YWHAZ: variants seen among roughly 807,000 people sequenced by gnomAD.
YWHAZ encodes 14-3-3 protein zeta/delta.
For missense variants in YWHAZ, 79 were observed against 284.8 expected (o/e 0.28, Z 5.20); for synonymous variants, 87 against 103.6 (o/e 0.84, Z 0.97).
At chr8:100,944,939 T>G (rs1432715862) in intron 2 of YWHAZ, among the ~76,000 whole-genome samples, 2 of 152,216 alleles carry the variant, frequency 1.3e-5, no homozygotes, top group African/African-American at 4.8e-5. Flanking sequence ...CATACTTCTT[T>G]GAGTTTGAAA....
intron 2 of YWHAZ, chr8:100,932,192 T>C (rs1313855172): frequency 1.3e-5 from 2 of 152,168 alleles, no homozygotes; most frequent in Non-Finnish European, 2.9e-5. Flanking sequence ...GTCTGGCAAA[T>C]AGTAAGCAAC....
At chr8:100,947,460 G>A (rs1810384503) in intron 2 of YWHAZ, among the ~76,000 whole-genome samples, 1 of 152,050 alleles carries the variant, frequency 6.6e-6, no homozygotes. Flanking sequence ...GTTTGTGGCT[G>A]TGAACCCAAA....
Position 100,948,117 on chromosome 8 carries a change from C to T in YWHAZ, c.294+479G>A, listed in dbSNP as rs768909913. ...GCAGGAAGAGGTTTCATAGTTGTGACGCCAGAGTTTTCTGCATGGTTGACT... is the reference window on the plus strand; with the variant it reads ...GCAGGAAGAGGTTTCATAGTTGTGATGCCAGAGTTTTCTGCATGGTTGACT... On this transcript the variant is annotated intron_variant, in intron 2 of 5. Transcript: ENST00000395958. The surrounding 1 kb of genome is among the most constrained non-coding windows in gnomAD (Gnocchi z 4.2). The T allele has an allele frequency of 2.0e-6, 3 of 1,534,708 alleles. No individual in the cohort carries two copies. The highest frequency in any genetic ancestry group is 1.4e-5 in the African/African-American group (1 of 72,968).
At position 100,937,456 on chromosome 8, in the gene YWHAZ, C is replaced by T. The variant is rs114810654; in HGVS notation, c.294+11140G>A. Among the ~76,000 whole-genome samples the T allele has an allele frequency of 9.7e-3, 1,470 of 152,170 alleles. 34 individuals are homozygous for T. Among genetic ancestry groups the T allele is most frequent in the African/African-American group, 0.034 (1,397 of 41,530 alleles). On this transcript the variant is annotated intron_variant, in intron 2 of 5. Coordinates refer to ENST00000395958, the MANE Select transcript of YWHAZ (RefSeq NM_145690.3). ...ACTGGTCCTAATATTAAATTTAATT[C>T]GCACAAAGATAATTAGACATCGAGT...
At chr8:100,952,063 C>CG (rs1352609958), upstream of YWHAZ, 9 of 988,160 alleles carry the variant, frequency 9.1e-6, no homozygotes, top group Non-Finnish European at 1.1e-5. Context: ...TCCGCAGACA[C>CG]GGGGTTTCCT....
At chr8:100,945,930 C>G (rs902202364) in intron 2 of YWHAZ, among the ~76,000 whole-genome samples, 2 of 152,066 alleles carry the variant, frequency 1.3e-5, no homozygotes, top group African/African-American at 4.8e-5. Flanking sequence ...GCAAAGATCA[C>G]TAAGTCTTAC....
At chr8:100,928,586 A>T (rs1379017775) in intron 2 of YWHAZ, among the ~76,000 whole-genome samples, 2 of 151,962 alleles carry the variant, frequency 1.3e-5, no homozygotes, top group African/African-American at 4.8e-5. Context: ...ACAAAAAATT[A>T]GCCAGGCGTG....
upstream of YWHAZ, chr8:100,952,173 G>GT (rs1266212434): frequency 1.0e-6 from 1 of 984,562 alleles, no homozygotes; most frequent in African/African-American, 1.7e-5. Context: ...GGGGCCCCGC[G>GT]TAACCGCCGC....
At chr8:100,951,590 C>T (rs1810787992) in intron 1 of YWHAZ, 1 of 985,116 alleles carries the variant, frequency 1.0e-6, no homozygotes, top group Non-Finnish European at 1.2e-6. Flanking sequence ...GCGCCCCGGC[C>T]ATGCCTCGTC....
rs1204001238 is a variant in YWHAZ, at chr8:100,920,493, C to CTCA, written c.*199_*200insTGA. 1.7e-6 allele frequency: 1 copy of CTCA among 583,334 alleles called. No individual in the cohort carries two copies. The highest frequency in any genetic ancestry group is 3.0e-5 in the East Asian group (1 of 33,556). The allele number at this position is 583,334 out of a possible 1,614,324, so 36.1% of individuals were successfully genotyped here. On this transcript the variant is annotated 3_prime_UTR_variant, in exon 6 of 6. Transcript: ENST00000395958. ...CATATTGGCCACCTCAAGATGAAAA[C>CTCA]AGATAACTCCCTAAATGTTAACTGG...
chr8:100,923,750 A>AT (rs1813183661), intron 5 of YWHAZ: 4 of 439,292 alleles, frequency 9.1e-6, no homozygotes. Context: ...CAATGTGTGT[A>AT]TTTTTTAGTT....
At chr8:100,946,829 C>T (rs1307845962) in intron 2 of YWHAZ, among the ~76,000 whole-genome samples, 1 of 149,756 alleles carries the variant, frequency 6.7e-6, no homozygotes, top group Non-Finnish European at 1.5e-5. Context: ...GGGAAAAACA[C>T]TCCAGACTGA....
chr8:100,937,060 CA>C (rs1814200477), intron 2 of YWHAZ, among the ~76,000 whole-genome samples: 1 of 152,146 alleles, frequency 6.6e-6, no homozygotes, highest in South Asian at 2.1e-4. Flanking sequence ...TTATAGGTTA[CA>C]TAATAGTTTA....
Position 100,951,518 on chromosome 8 carries a change from G to A in YWHAZ, c.-12+411C>T, listed in dbSNP as rs1220631490. ...TCATTATCTCGGGCGGAAGCGAGAAGGGCGGCGAGGGAGGGGGTGGAAGCC... is the reference window on the plus strand; with the variant it reads ...TCATTATCTCGGGCGGAAGCGAGAAAGGCGGCGAGGGAGGGGGTGGAAGCC... On this transcript the variant is annotated intron_variant, in intron 1 of 5. Coordinates refer to ENST00000395958, the MANE Select transcript of YWHAZ (RefSeq NM_145690.3). The A allele has an allele frequency of 1.3e-5, 13 of 985,556 alleles. No individual in the cohort carries two copies. In the East Asian group the frequency reaches 1.2e-3, roughly 95 times the overall value. The allele number at this position is 985,556 out of a possible 1,614,324, so 61.1% of individuals were successfully genotyped here.
At position 100,948,910 on chromosome 8, in the gene YWHAZ, G is replaced by C. The variant is rs1005003087; in HGVS notation, c.-11-10C>G. The C allele has an allele frequency of 6.5e-7, 1 of 1,547,944 alleles. No homozygotes were observed. Among genetic ancestry groups the C allele is most frequent in the Non-Finnish European group, 8.6e-7 (1 of 1,157,150 alleles). ...TCCATGACTGGATGTTCTGCAGGGG[G>C]GAAAAAAGGAGTATTTAAAATTTTT... On this transcript the variant is annotated splice_polypyrimidine_tract_variant and intron_variant, in intron 1 of 5. Coordinates refer to ENST00000395958, the MANE Select transcript of YWHAZ (RefSeq NM_145690.3). The surrounding 1 kb of genome is among the most constrained non-coding windows in gnomAD (Gnocchi z 4.2).
chr8:100,928,573 A>T (rs1813530230), intron 2 of YWHAZ, among the ~76,000 whole-genome samples: 1 of 151,946 alleles, frequency 6.6e-6, no homozygotes, highest in Non-Finnish European at 1.5e-5. Flanking sequence ...CTCTACCAAA[A>T]ATACAAAAAA....
chr8:100,927,500 G>A (rs1326531298), intron 2 of YWHAZ, among the ~76,000 whole-genome samples: 1 of 152,180 alleles, frequency 6.6e-6, no homozygotes, highest in Non-Finnish European at 1.5e-5. Context: ...CTGTACTCTA[G>A]GACAGGGTGA....
At chr8:100,935,414 C>G (rs547535815) in intron 2 of YWHAZ, among the ~76,000 whole-genome samples, 1 of 152,226 alleles carries the variant, frequency 6.6e-6, no homozygotes, top group East Asian at 1.9e-4. Context: ...TATTACCTTA[C>G]CAAATTCCTA....
chr8:100,945,353 C>G (rs998479374), intron 2 of YWHAZ, among the ~76,000 whole-genome samples: 1 of 152,132 alleles, frequency 6.6e-6, no homozygotes, highest in Non-Finnish European at 1.5e-5. Flanking sequence ...CAGAAAAACT[C>G]AGAACTTTGG....
Sources: gnomAD v4.1 joint callset for allele counts (sites outside exome capture counted in the v4.1 genomes callset) on GRCh38, gnomAD v4.1.1 for gene constraint, Gnocchi (gnomAD v3.1) non-coding constraint, MANE v1.5 for transcripts, NCBI Gene and HGNC (gene_info 2026-07-23, HGNC 2026-07-21) for gene names.